PKNOX2: variants seen among roughly 807,000 people sequenced by gnomAD.
PKNOX2 encodes the protein PBX/knotted 1 homeobox 2, also known as homeobox protein PKNOX2.
Under a neutral mutation model 53.1 loss-of-function variants are expected in PKNOX2, and 14 were observed. The observed-to-expected ratio is 0.26, with a 90% CI of 0.17 to 0.41. The LOEUF is 0.41. Ranked by LOEUF, PKNOX2 falls within the 10% of genes least tolerant of loss-of-function variation. The pLI, the probability that PKNOX2 is intolerant of heterozygous loss-of-function variation, is 1.00. For missense variants in PKNOX2, 496 were observed against 602.8 expected (o/e 0.82, Z 1.85); for synonymous variants, 257 against 242.8 (o/e 1.06, Z -0.54).
intron 1 of PKNOX2, among the ~76,000 whole-genome samples, chr11:125,203,242 C>T (rs1225853998): frequency 6.6e-6 from 1 of 152,134 alleles, no homozygotes. Flanking sequence ...CTCAGACTCG[C>T]GAGTAGCTCA....
chr11:125,397,285 G>A (rs79318581), intron 6 of PKNOX2, among the ~76,000 whole-genome samples: 5,106 of 152,232 alleles, frequency 0.034, 117 homozygotes, highest in Admixed American at 0.052. Flanking sequence ...CAAGGTAACC[G>A]GTATCCCATG....
chr11:125,202,058 C>G (rs780332853), intron 1 of PKNOX2, among the ~76,000 whole-genome samples: 4 of 152,168 alleles, frequency 2.6e-5, no homozygotes, highest in African/African-American at 9.7e-5. Flanking sequence ...ACAGAGGGTC[C>G]GTGCGGCTGG....
chr11:125,410,489 A>C, intron 8 of PKNOX2, 164 bp downstream of exon 8: 2 of 1,021,736 alleles, frequency 2.0e-6, no homozygotes, highest in Non-Finnish European at 2.8e-6. Flanking sequence ...GTTAGCGCCA[A>C]GACCCAATTG....
intron 2 of PKNOX2, among the ~76,000 whole-genome samples, chr11:125,236,768 G>T (rs1441841940): frequency 1.3e-5 from 2 of 152,202 alleles, no homozygotes; most frequent in East Asian, 1.9e-4. Flanking sequence ...TGGAGGGAAA[G>T]GAAGAAGAGG....
At chr11:125,191,539 C>T (rs1787765884) in intron 1 of PKNOX2, 2 of 152,202 alleles carry the variant, frequency 1.3e-5, no homozygotes, top group Non-Finnish European at 2.9e-5. Flanking sequence ...AGACCACAGT[C>T]CCATGATTTG....
At chr11:125,310,767 G>A (rs1948753700) in intron 2 of PKNOX2, among the ~76,000 whole-genome samples, 1 of 151,902 alleles carries the variant, frequency 6.6e-6, no homozygotes, top group Non-Finnish European at 1.5e-5. Flanking sequence ...TTTATTTAAA[G>A]CTATGAGATG....
intron 7 of PKNOX2, among the ~76,000 whole-genome samples, chr11:125,402,173 C>T (rs1472769666): frequency 6.6e-6 from 1 of 152,012 alleles, no homozygotes; most frequent in Non-Finnish European, 1.5e-5. Flanking sequence ...ACTGTTCTAC[C>T]AAGCAGGGGA....
At chr11:125,317,743 G>A (rs1760493241) in intron 2 of PKNOX2, among the ~76,000 whole-genome samples, 1 of 152,182 alleles carries the variant, frequency 6.6e-6, no homozygotes, top group African/African-American at 2.4e-5. Flanking sequence ...TCATTCTTAA[G>A]GGTCCTAGGA....
In PKNOX2 at chr11:125,243,155, T is replaced by TCA. The variant is rs1250716454; in HGVS notation, c.-130+8042_-130+8043dup. Among the ~76,000 whole-genome samples the TCA allele has an allele frequency of 2.0e-5, 3 of 152,260 alleles. No individual in the cohort carries two copies. The East Asian group carries it at 5.8e-4, about 29-fold the overall frequency. On this transcript the variant is annotated intron_variant, in intron 2 of 12. Coordinates refer to ENST00000298282, the MANE Select transcript of PKNOX2 (RefSeq NM_001382323.2). ...ATAATGGTTATCACACTTGAAGTGA[T>TCA]CACTGTGTTTGAAAATTAGGGATTC...
At chr11:125,404,856 G>A (rs932678994) in intron 7 of PKNOX2, among the ~76,000 whole-genome samples, 1 of 152,254 alleles carries the variant, frequency 6.6e-6, no homozygotes, top group Non-Finnish European at 1.5e-5. Flanking sequence ...ATGTAAGGCA[G>A]ATGGGAGGCT....
chr11:125,364,317 G>A (rs1369005339), intron 4 of PKNOX2, among the ~76,000 whole-genome samples: 4 of 152,198 alleles, frequency 2.6e-5, no homozygotes, highest in African/African-American at 2.4e-5. Flanking sequence ...TTGAGTCATC[G>A]TCCTCCTCAG....
intron 4 of PKNOX2, among the ~76,000 whole-genome samples, chr11:125,361,025 G>A (rs1951897279): frequency 6.6e-6 from 1 of 152,210 alleles, no homozygotes. Context: ...AGTCAGTTAT[G>A]TGGTCAGGAA....
Position 125,253,964 on chromosome 11 carries a change from G to C in PKNOX2, c.-130+18849G>C, listed in dbSNP as rs1042393280. On this transcript the variant is annotated intron_variant, in intron 2 of 12. Coordinates refer to ENST00000298282, the MANE Select transcript of PKNOX2 (RefSeq NM_001382323.2). ...TGTGGGGGTTGGGATAAGTGCTCCTGCTGGGTGGGAGCATCGAAGGAAGCC... is the reference window on the plus strand; with the variant it reads ...TGTGGGGGTTGGGATAAGTGCTCCTCCTGGGTGGGAGCATCGAAGGAAGCC... Among the ~76,000 whole-genome samples the C allele has an allele frequency of 4.6e-5, 7 of 152,142 alleles. No homozygotes were observed. In the South Asian group the frequency reaches 1.5e-3, roughly 32 times the overall value.
chr11:125,220,702 C>CTCCA (rs1224923108), intron 1 of PKNOX2, among the ~76,000 whole-genome samples: 1 of 152,180 alleles, frequency 6.6e-6, no homozygotes. Flanking sequence ...TGTTCTATTT[C>CTCCA]TCCATCCATC....
At chr11:125,366,359 C>G (rs1328204874) in intron 4 of PKNOX2, among the ~76,000 whole-genome samples, 1 of 152,190 alleles carries the variant, frequency 6.6e-6, no homozygotes, top group African/African-American at 2.4e-5. Flanking sequence ...ACGATACAAT[C>G]TAGGAAAGCA....
At chr11:125,293,166 G>A (rs961411238) in intron 2 of PKNOX2, among the ~76,000 whole-genome samples, 4 of 151,448 alleles carry the variant, frequency 2.6e-5, no homozygotes, top group African/African-American at 9.7e-5. Context: ...GGGGATTCAG[G>A]GTCAGAAGTA....
At chr11:125,214,019 A>G (rs1164331274) in intron 1 of PKNOX2, among the ~76,000 whole-genome samples, 1 of 152,090 alleles carries the variant, frequency 6.6e-6, no homozygotes, top group Non-Finnish European at 1.5e-5. Context: ...CTTCCTCACA[A>G]AAACCTGGAG....
chr11:125,428,629 G>T (rs967131081), intron 10 of PKNOX2, among the ~76,000 whole-genome samples: 5 of 152,132 alleles, frequency 3.3e-5, no homozygotes, highest in African/African-American at 1.2e-4. Flanking sequence ...TTCTATGGGC[G>T]TTTGAGGCCA....
chr11:125,386,151 A>G (rs1953614641), intron 6 of PKNOX2, among the ~76,000 whole-genome samples: 1 of 152,206 alleles, frequency 6.6e-6, no homozygotes. Context: ...AATGTGTTGG[A>G]GCACATTAAT....
Sources: gnomAD v4.1 joint callset for allele counts (sites outside exome capture counted in the v4.1 genomes callset) on GRCh38, gnomAD v4.1.1 for gene constraint, MANE v1.5 for transcripts, NCBI Gene and HGNC (gene_info 2026-07-23, HGNC 2026-07-21) for gene names.